The following LBP variants were observed in gnomAD, a reference collection of about 807,000 sequenced individuals.
LBP encodes the protein lipopolysaccharide-binding protein.
A neutral mutation model predicts 56.6 loss-of-function variants in LBP; 53 were observed. That is an observed-to-expected ratio of 0.94 (90% confidence interval 0.75 to 1.18). The LOEUF is 1.18. LBP is among the 50% of genes most tolerant of loss of function. LBP has a pLI of 0.00. For missense variants in LBP, 601 were observed against 598.3 expected (o/e 1.00, Z -0.05); for synonymous variants, 227 against 247.5 (o/e 0.92, Z 0.78).
intron 8 of LBP, 79 bp from the exon 9 acceptor site, chr20:38,366,690 C>T: frequency 7.6e-7 from 1 of 1,316,830 alleles, no homozygotes; most frequent in Non-Finnish European, 1.1e-6. Context: ...CTTGCACATC[C>T]CCCTGTCTCC....
At chr20:38,347,469 G>A (rs189908339) in intron 1 of LBP, among the ~76,000 whole-genome samples, 2 of 152,268 alleles carry the variant, frequency 1.3e-5, no homozygotes, top group African/African-American at 2.4e-5. Context: ...GCTTGAACCC[G>A]GGAGGCAGAG....
intron 6 of LBP, among the ~76,000 whole-genome samples, chr20:38,362,225 A>AT (rs988863576): frequency 7.4e-5 from 11 of 149,078 alleles, no homozygotes; most frequent in Non-Finnish European, 1.5e-4. Context: ...CGTCTGGCTA[A>AT]TTTTTTTTGT....
intron 1 of LBP, among the ~76,000 whole-genome samples, chr20:38,347,450 A>G (rs1304457939): frequency 6.6e-6 from 1 of 152,196 alleles, no homozygotes; most frequent in Non-Finnish European, 1.5e-5. Context: ...AGGCTGAGGC[A>G]GGAGAATCGC....
chr20:38,357,341 AGATGGAGATCTCACCTGACCCCT>A (rs1555844281), intron 5 of LBP, among the ~76,000 whole-genome samples: 1 of 152,216 alleles, frequency 6.6e-6, no homozygotes, highest in Non-Finnish European at 1.5e-5. Context: ...GTCTTGGGAA[AGATGGAGATCTCACCTGACCCCT>A]GATCCTTAGA....
chr20:38,374,784 C>CTTTT (rs587732305), intron 14 of LBP, among the ~76,000 whole-genome samples: 1 of 121,244 alleles, frequency 8.2e-6, no homozygotes, highest in Non-Finnish European at 1.7e-5. Context: ...ACCATATATA[C>CTTTT]TTTTTTTTTT....
Position 38,364,141 on chromosome 20 carries a change from C to T in LBP, c.744+75C>T, listed in dbSNP as rs1600727566. 11 of 987,624 alleles carry T rather than the reference C, an allele frequency of 1.1e-5. No homozygotes were observed. The Middle Eastern group carries it at 9.4e-4, about 84-fold the overall frequency. The allele number at this position is 987,624 out of a possible 1,614,324, so 61.2% of individuals were successfully genotyped here. The stretch of plus-strand genomic sequence containing the variant: ...AGCCATTCTTTGGGCCACCTGTCCC[C>T]CCAACTTCAGATCTGTCCTCATCCT... On this transcript the variant is annotated intron_variant, in intron 7 of 14. Coordinates refer to ENST00000217407, the MANE Select transcript of LBP (RefSeq NM_004139.5).
At chr20:38,360,799 T>A in intron 6 of LBP, 32 bp downstream of exon 6, 1 of 1,499,844 alleles carries the variant, frequency 6.7e-7, no homozygotes, top group Non-Finnish European at 9.3e-7. Context: ...GGGACACTTT[T>A]ATTTCTGTTA....
chr20:38,358,002 C>G (rs1486373615), intron 5 of LBP, among the ~76,000 whole-genome samples: 1 of 152,160 alleles, frequency 6.6e-6, no homozygotes, highest in Admixed American at 6.5e-5. Context: ...GCTTCTTTAC[C>G]GCATCCTGTT....
At chr20:38,350,995 C>T in intron 3 of LBP, 56 bp downstream of exon 3, 2 of 1,590,376 alleles carry the variant, frequency 1.3e-6, no homozygotes, top group Non-Finnish European at 1.7e-6. Flanking sequence ...TTCGCCCCAT[C>T]CTTCTTAGGT....
rs1453776097 is a variant in LBP, at chr20:38,346,574, AC to A, written c.62del (p.Pro21GlnfsTer28). ...ACTGCTGGCATTGCTGCTTACGTCC[AC>A]CCCAGAGGCTCTGGGTGCCAACCCC... ...SILLALLLTSTPEALGANPGL... is the reference protein window; with the variant it reads ...SILLALLLTSXPEALGANPGL... On this transcript the variant is annotated frameshift_variant, in exon 1 of 15. Transcript: ENST00000217407. LOFTEE classifies it high-confidence loss of function. 6.2e-7 allele frequency: 1 copy of A among 1,613,404 alleles called. No homozygotes were observed. Among genetic ancestry groups the A allele is most frequent in the Non-Finnish European group, 8.5e-7 (1 of 1,179,988 alleles).
intron 14 of LBP, 36 bp downstream of exon 14, chr20:38,374,049 G>C (rs1378077091): frequency 6.3e-7 from 1 of 1,593,784 alleles, no homozygotes; most frequent in Non-Finnish European, 8.6e-7. Context: ...GGATGTGTGA[G>C]GGAGGAGGTG....
chr20:38,364,485 C>T (rs778095357), intron 7 of LBP, 91 bp from the exon 8 acceptor site: 23 of 1,179,304 alleles, frequency 2.0e-5, no homozygotes, highest in African/African-American at 1.1e-4. Flanking sequence ...TTCCAGCCAG[C>T]GTCCCTTCAT....
chr20:38,350,052 G>A (rs1349184599), intron 2 of LBP, among the ~76,000 whole-genome samples: 1 of 152,148 alleles, frequency 6.6e-6, no homozygotes, highest in Non-Finnish European at 1.5e-5. Flanking sequence ...TTGTACTTGG[G>A]GGAGTCAGGG....
chr20:38,374,100 C>T, intron 14 of LBP, 87 bp downstream of exon 14: 2 of 1,323,288 alleles, frequency 1.5e-6, no homozygotes, highest in Admixed American at 1.7e-5. Flanking sequence ...ATGGGTGACA[C>T]CCAGCCCAGC....
At chr20:38,365,149 C>A (rs548102880) in intron 8 of LBP, among the ~76,000 whole-genome samples, 46 of 148,686 alleles carry the variant, frequency 3.1e-4, no homozygotes, top group African/African-American at 1.2e-3. Context: ...GTGGGAGAAT[C>A]GCTTGAACCC....
At chr20:38,349,738 G>A (rs1167251552) in intron 2 of LBP, 76 bp downstream of exon 2, 7 of 1,087,990 alleles carry the variant, frequency 6.4e-6, no homozygotes, top group African/African-American at 1.6e-5. Flanking sequence ...GTGAGGAAGA[G>A]AGAGCCTCAG....
intron 5 of LBP, among the ~76,000 whole-genome samples, chr20:38,358,692 A>G (rs1420180542): frequency 6.6e-6 from 1 of 152,072 alleles, no homozygotes; most frequent in African/African-American, 2.4e-5. Context: ...TCCATCAGCA[A>G]CCCAGCGTCT....
Position 38,346,490 on chromosome 20 carries a change from C to G in LBP, c.-27C>G, listed in dbSNP as rs1463401709. On this transcript the variant is annotated 5_prime_UTR_variant, in exon 1 of 15. Coordinates refer to ENST00000217407, the MANE Select transcript of LBP (RefSeq NM_004139.5). ...GGGCCCAATCCACAGCTGGGACAGTCCTGGCCCACTGCACTGGGAATCTAG... is the reference window on the plus strand; with the variant it reads ...GGGCCCAATCCACAGCTGGGACAGTGCTGGCCCACTGCACTGGGAATCTAG... The G allele has an allele frequency of 6.2e-7, 1 of 1,612,708 alleles. No individual in the cohort carries two copies. Among genetic ancestry groups the G allele is most frequent in the Non-Finnish European group, 8.5e-7 (1 of 1,179,650 alleles).
chr20:38,359,046 A>G (rs2076850563), intron 5 of LBP, among the ~76,000 whole-genome samples: 2 of 152,334 alleles, frequency 1.3e-5, no homozygotes, highest in East Asian at 1.9e-4. Context: ...TTAAACTGCT[A>G]CAAATTCCAT....
Sources: allele counts gnomAD v4.1 joint callset (sites outside exome capture counted in the v4.1 genomes callset), GRCh38; gene constraint gnomAD v4.1.1; transcripts MANE v1.5; gene names NCBI Gene and HGNC (gene_info 2026-07-23, HGNC 2026-07-21).